HMGXB3: variants seen among roughly 807,000 people sequenced by gnomAD.
HMGXB3 encodes HMG domain-containing protein 3.
HMGXB3 carries 45 observed loss-of-function variants against 121.5 expected under a neutral mutation model. The observed-to-expected ratio is 0.37, with a 90% CI of 0.29 to 0.47. The LOEUF (loss-of-function observed/expected upper bound fraction) is 0.47. Among genes scored for constraint, HMGXB3 ranks in the 20% least tolerant of loss-of-function variants. HMGXB3 has a pLI of 0.99. For synonymous variants in HMGXB3, 590 were observed against 624.1 expected, an observed-to-expected ratio of 0.95 and a Z score of 0.81; for missense variants, 1,376 against 1,602.2, an observed-to-expected ratio of 0.86 and a Z score of 2.41.
rs137928180 is a variant in HMGXB3, at chr5:150,031,709, A to G, written c.1834-745A>G. On this transcript the variant is annotated intron_variant, in intron 10 of 19. Coordinates refer to ENST00000502717, the MANE Select transcript of HMGXB3 (RefSeq NM_014983.3). ...AAAAAGTCTTGCCTCATAATGGCAG[A>G]CAGGTTCAGAAAGGGTCATTCATTC... 2.2e-3 allele frequency among the ~76,000 whole-genome samples: 337 copies of G among 152,356 alleles called. 2 individuals carry two copies. The highest frequency in any genetic ancestry group is 7.9e-3 in the African/African-American group (327 of 41,572).
intron 11 of HMGXB3, among the ~76,000 whole-genome samples, chr5:150,034,743 G>A (rs1258129626): frequency 6.6e-6 from 1 of 152,190 alleles, no homozygotes; most frequent in East Asian, 1.9e-4. Context: ...CTTGTGTGTT[G>A]TCATTTGGAG....
chr5:150,043,528 A>G (rs776773099), intron 15 of HMGXB3, among the ~76,000 whole-genome samples: 1 of 152,240 alleles, frequency 6.6e-6, no homozygotes, highest in African/African-American at 2.4e-5. Flanking sequence ...TAAGGGTTGA[A>G]TGCATAGTCC....
At chr5:150,020,927 G>A (rs1436141269) in intron 6 of HMGXB3, among the ~76,000 whole-genome samples, 1 of 151,926 alleles carries the variant, frequency 6.6e-6, no homozygotes, top group Non-Finnish European at 1.5e-5. Flanking sequence ...ATTTTTAGTA[G>A]AAATGGGATT....
chr5:150,038,484 GT>G (rs1427885670), intron 13 of HMGXB3, among the ~76,000 whole-genome samples: 1 of 152,192 alleles, frequency 6.6e-6, no homozygotes, highest in Admixed American at 6.5e-5. Flanking sequence ...AGTTAAGTGT[GT>G]TGCTCCAAGT....
chr5:150,045,858 G>A (rs1471644324), intron 16 of HMGXB3, among the ~76,000 whole-genome samples, 173 bp downstream of exon 16: 1 of 152,198 alleles, frequency 6.6e-6, no homozygotes, highest in Non-Finnish European at 1.5e-5. Context: ...TAAAGTTGTG[G>A]TGCAGAGTTT....
chr5:150,014,251 A>G (rs895086688), intron 5 of HMGXB3, among the ~76,000 whole-genome samples: 46 of 152,334 alleles, frequency 3.0e-4, no homozygotes, highest in African/African-American at 7.5e-4. Flanking sequence ...TGCAGTCCCT[A>G]TGTTCATGTC....
chr5:150,029,640 A>G (rs1756325949), intron 9 of HMGXB3, among the ~76,000 whole-genome samples: 1 of 152,050 alleles, frequency 6.6e-6, no homozygotes, highest in Non-Finnish European at 1.5e-5. Context: ...CCATTAAATT[A>G]ATGTTATGAC....
intron 6 of HMGXB3, among the ~76,000 whole-genome samples, chr5:150,020,485 G>A (rs1325328584): frequency 2.0e-5 from 3 of 152,198 alleles, no homozygotes; most frequent in East Asian, 3.8e-4. Context: ...AGTGATCACT[G>A]TGGGCTTATC....
rs577006565 is a variant in HMGXB3 at position 150,012,339 on chromosome 5, A to C, written c.895A>C (p.Thr299Pro). The C allele has an allele frequency of 2.4e-4, 376 of 1,551,682 alleles. No individual in the cohort carries two copies. The highest frequency in any genetic ancestry group is 3.0e-4 in the Non-Finnish European group (343 of 1,146,568). The part of the protein sequence containing the change: ...LPAYSVVENP[T>P]SIKLTTTYTR... ...TGCCTACTCGGTTGTGGAGAACCCC[A>C]CCTCCATCAAACTGGTCAGTACTGT... Residue 299 changes from threonine to proline, a missense_variant, in exon 5 of 20, where the codon ACC (threonine) becomes CCC (proline). This residue lies in a region of HMGXB3 where 1,116 missense variants were observed against 1,369.0 expected (regional missense o/e 0.82). Coordinates refer to ENST00000502717, the MANE Select transcript of HMGXB3 (RefSeq NM_014983.3).
At chr5:150,012,483 C>A in intron 5 of HMGXB3, 130 bp downstream of exon 5, 1 of 671,684 alleles carries the variant, frequency 1.5e-6, no homozygotes, top group Non-Finnish European at 2.6e-6. Flanking sequence ...AGTCTTAGAA[C>A]CTCAGGATGC....
intron 13 of HMGXB3, among the ~76,000 whole-genome samples, chr5:150,039,062 G>A (rs1304980772): frequency 1.3e-5 from 2 of 152,220 alleles, no homozygotes; most frequent in African/African-American, 2.4e-5. Context: ...TCCCACAATG[G>A]GTAAAAGTTA....
Position 150,016,284 on chromosome 5 carries a change from T to G in HMGXB3, c.910-2282T>G, listed in dbSNP as rs538751028. Among the ~76,000 whole-genome samples the G allele has an allele frequency of 6.3e-5, 9 of 143,466 alleles. No individual in the cohort carries two copies. The East Asian group carries it at 1.8e-3, about 29-fold the overall frequency. The allele number at this position is 143,466 out of a possible 152,430, so 94.1% of individuals were successfully genotyped here. ...TGGGCCCAGTAGTTGGAGGATACAG[T>G]GAGCTGTGATCGTGCCACTGCACTG... On this transcript the variant is annotated intron_variant, in intron 5 of 19. Transcript: ENST00000502717.
In HMGXB3 at chr5:150,012,244, A is replaced by G; in HGVS notation, c.811-11A>G. ...TTTCAGTGAAACTGTCCTTCTCTTC[A>G]TTGCCCATAGGATTCCAGTGAGAGT... On this transcript the variant is annotated splice_polypyrimidine_tract_variant and intron_variant, in intron 4 of 19. Coordinates refer to ENST00000502717, the MANE Select transcript of HMGXB3 (RefSeq NM_014983.3). 1 of 1,544,460 alleles carries G rather than the reference A, an allele frequency of 6.5e-7. No individual in the cohort carries two copies. The highest frequency in any genetic ancestry group is 8.8e-7 in the Non-Finnish European group (1 of 1,140,160).
intron 15 of HMGXB3, among the ~76,000 whole-genome samples, chr5:150,043,505 C>T (rs952300076): frequency 1.3e-5 from 2 of 152,152 alleles, no homozygotes; most frequent in Non-Finnish European, 2.9e-5. Context: ...TCTGGCAGGA[C>T]CACTAGACAT....
rs1156746032 is a variant in HMGXB3 at position 150,028,505 on chromosome 5, ATGTGTG to A, written c.1734+1420_1734+1425del. On this transcript the variant is annotated intron_variant, in intron 9 of 19. Transcript: ENST00000502717. ...TATATATATGTATATATATGTATGTATGTGTGTGTGTGTGTGTGTGTGTGTGTGTGT... is the reference window on the plus strand; with the variant it reads ...TATATATATGTATATATATGTATGTATGTGTGTGTGTGTGTGTGTGTGTGT... 3.3e-4 allele frequency among the ~76,000 whole-genome samples: 30 copies of A among 90,484 alleles called. 1 individual carries two copies. The highest frequency in any genetic ancestry group is 5.6e-3 in the Middle Eastern group (1 of 178). 59.4% of individuals were successfully genotyped at this position (90,484 alleles called of 152,430 possible). A position where few individuals can be genotyped will look rare whatever the true frequency, so the allele number is the denominator to read the frequency against.
intron 5 of HMGXB3, among the ~76,000 whole-genome samples, chr5:150,012,734 G>C (rs1755870704): frequency 1.3e-5 from 2 of 152,218 alleles, no homozygotes; most frequent in African/African-American, 4.8e-5. Flanking sequence ...GGCCATAGGA[G>C]AGAAAGGACT....
intron 7 of HMGXB3, among the ~76,000 whole-genome samples, chr5:150,025,402 A>T (rs1756204069): frequency 6.6e-6 from 1 of 152,186 alleles, no homozygotes; most frequent in Non-Finnish European, 1.5e-5. Context: ...CCAGAAGCCA[A>T]TTCCACTTTT....
At chr5:150,006,141 C>G (rs990502386) in intron 2 of HMGXB3, among the ~76,000 whole-genome samples, 1 of 152,020 alleles carries the variant, frequency 6.6e-6, no homozygotes, top group Non-Finnish European at 1.5e-5. Context: ...TTCTCCTATA[C>G]CATGAGTTTT....
intron 6 of HMGXB3, among the ~76,000 whole-genome samples, 198 bp from the exon 7 acceptor site, chr5:150,024,064 G>A (rs921387339): frequency 2.6e-5 from 4 of 152,230 alleles, no homozygotes; most frequent in Non-Finnish European, 5.9e-5. Flanking sequence ...GGCATTTAAT[G>A]CTATAGTGAA....
Sources: allele counts gnomAD v4.1 joint callset (sites outside exome capture counted in the v4.1 genomes callset), GRCh38; gene constraint gnomAD v4.1.1; regional missense constraint gnomAD v4.1.1; transcripts MANE v1.5; gene names NCBI Gene and HGNC (gene_info 2026-07-23, HGNC 2026-07-21).